The following MAN1A1 variants were observed in gnomAD, a reference collection of about 807,000 sequenced individuals.
The protein encoded by MAN1A1 is mannosidase alpha class 1A member 1.
MAN1A1 carries 29 observed loss-of-function variants against 70.8 expected under a neutral mutation model. The ratio of observed to expected loss-of-function variants is 0.41; its 90% CI spans 0.31 to 0.56. MAN1A1 has a LOEUF of 0.56. MAN1A1 is among the 20% of genes least tolerant of loss of function. MAN1A1 has a pLI of 0.29. For synonymous variants in MAN1A1, 349 were observed against 330.1 expected (o/e 1.06, Z -0.62); for missense variants, 747 against 841.3 (o/e 0.89, Z 1.39).
chr6:119,345,454 G>C (rs1052679726), intron 2 of MAN1A1, among the ~76,000 whole-genome samples: 1 of 152,100 alleles, frequency 6.6e-6, no homozygotes, highest in Non-Finnish European at 1.5e-5. Flanking sequence ...GGTGAAGGGA[G>C]GAAGATCTTA....
In MAN1A1 at chr6:119,177,400, T is replaced by G. The variant is rs1012877070; in HGVS notation, c.*2419A>C. On this transcript the variant is annotated 3_prime_UTR_variant, in exon 13 of 13. Transcript: ENST00000368468. ...GCTCATATGAAAACCTCATGACAAG[T>G]CATTGAGTTCTGTAAACTGCCATAC... is the stretch of plus-strand genomic sequence containing the variant. The G allele has an allele frequency of 6.6e-6, 1 of 152,084 alleles. No homozygotes were observed. Among genetic ancestry groups the G allele is most frequent in the Admixed American group, 6.6e-5 (1 of 15,264 alleles). The allele number at this position is 152,084 out of a possible 1,614,324, so 9.4% of individuals were successfully genotyped here.
intron 2 of MAN1A1, among the ~76,000 whole-genome samples, chr6:119,324,860 T>A (rs1040251832): frequency 1.3e-5 from 2 of 152,238 alleles, no homozygotes; most frequent in African/African-American, 4.8e-5. Context: ...TGGATAAGCC[T>A]GTGTTTGGGG....
Position 119,349,757 on chromosome 6 carries a change from G to T in MAN1A1, c.-438C>A. ...GGTACACTCCGCCGCGGCCCCGCGAGCACTAATCTCACTGCCGGTCTTGGG... is the reference window on the plus strand; with the variant it reads ...GGTACACTCCGCCGCGGCCCCGCGATCACTAATCTCACTGCCGGTCTTGGG... On this transcript the variant is annotated 5_prime_UTR_variant, in exon 1 of 13. Coordinates refer to ENST00000368468, the MANE Select transcript of MAN1A1 (RefSeq NM_005907.4). 1.0e-6 allele frequency: 1 copy of T among 985,502 alleles called. No homozygotes were observed. The highest frequency in any genetic ancestry group is 1.2e-6 in the Non-Finnish European group (1 of 829,942). The allele number at this position is 985,502 out of a possible 1,614,324, so 61.0% of individuals were successfully genotyped here.
intron 5 of MAN1A1, among the ~76,000 whole-genome samples, chr6:119,265,210 CCTACCT>C: frequency 6.6e-6 from 1 of 152,076 alleles, no homozygotes; most frequent in South Asian, 2.1e-4. Context: ...CAGTGATCCT[CCTACCT>C]CAGCCTCTCA....
intron 4 of MAN1A1, among the ~76,000 whole-genome samples, chr6:119,294,435 T>C (rs186800366): frequency 6.6e-6 from 1 of 152,230 alleles, no homozygotes; most frequent in African/African-American, 2.4e-5. Flanking sequence ...TCTTGTGAGA[T>C]TTATCCTAAC....
At chr6:119,205,807 A>G (rs2114951279) in intron 6 of MAN1A1, among the ~76,000 whole-genome samples, 1 of 152,368 alleles carries the variant, frequency 6.6e-6, no homozygotes, top group South Asian at 2.1e-4. Context: ...GTTTAGATGC[A>G]CATTTAGTGC....
intron 6 of MAN1A1, among the ~76,000 whole-genome samples, chr6:119,222,786 T>C (rs1467405665): frequency 6.6e-6 from 1 of 152,224 alleles, no homozygotes; most frequent in Non-Finnish European, 1.5e-5. Flanking sequence ...GCTGAAATCC[T>C]GGGCAGTGTT....
At chr6:119,330,756 C>A (rs1389884152) in intron 2 of MAN1A1, among the ~76,000 whole-genome samples, 1 of 152,150 alleles carries the variant, frequency 6.6e-6, no homozygotes, top group Non-Finnish European at 1.5e-5. Flanking sequence ...ACATTCCATT[C>A]CTATCCTGCG....
At chr6:119,345,070 C>T (rs1394188891) in intron 2 of MAN1A1, among the ~76,000 whole-genome samples, 1 of 151,838 alleles carries the variant, frequency 6.6e-6, no homozygotes, top group African/African-American at 2.4e-5. Flanking sequence ...TAGCCCCAGC[C>T]CCTATTACTC....
At chr6:119,316,936 TTTA>T (rs200298446) in intron 2 of MAN1A1, among the ~76,000 whole-genome samples, 4 of 150,654 alleles carry the variant, frequency 2.7e-5, no homozygotes, top group African/African-American at 7.3e-5. Flanking sequence ...ATTACATTTT[TTTA>T]TTATTATTAT....
chr6:119,255,503 T>C (rs1335949777), intron 5 of MAN1A1, among the ~76,000 whole-genome samples: 2 of 152,232 alleles, frequency 1.3e-5, no homozygotes, highest in Non-Finnish European at 2.9e-5. Flanking sequence ...TAAGCTATTC[T>C]GGCTTTTTAG....
intron 2 of MAN1A1, among the ~76,000 whole-genome samples, chr6:119,314,138 A>C (rs924756245): frequency 6.6e-6 from 1 of 152,150 alleles, no homozygotes; most frequent in Admixed American, 6.5e-5. Context: ...AGGAGCTTCT[A>C]TTCCACTTCT....
At chr6:119,320,296 A>G (rs986983948) in intron 2 of MAN1A1, among the ~76,000 whole-genome samples, 2 of 152,150 alleles carry the variant, frequency 1.3e-5, no homozygotes, top group East Asian at 1.9e-4. Context: ...AGGATGGGTC[A>G]GCCAGTTGTG....
At chr6:119,248,965 A>T (rs1775243504) in intron 5 of MAN1A1, among the ~76,000 whole-genome samples, 1 of 152,242 alleles carries the variant, frequency 6.6e-6, no homozygotes, top group Non-Finnish European at 1.5e-5. Flanking sequence ...GAAGATAATT[A>T]TATGCACATA....
chr6:119,294,915 G>A (rs752768574), intron 4 of MAN1A1, among the ~76,000 whole-genome samples: 1 of 152,078 alleles, frequency 6.6e-6, no homozygotes, highest in Admixed American at 6.6e-5. Flanking sequence ...TTGGGTGTTT[G>A]AGATTGATAA....
chr6:119,180,442 AGG>A lies in MAN1A1; in HGVS notation c.1720-17_1720-16del. On this transcript the variant is annotated splice_polypyrimidine_tract_variant and intron_variant, in intron 11 of 12. Transcript: ENST00000368468. ...TTTTCCAAGGCCTAAATTATAGAGG[AGG>A]AAAAAAAAAAGTCACATTTCAGTAA... 2 of 1,359,088 alleles carry A rather than the reference AGG, an allele frequency of 1.5e-6. No individual in the cohort carries two copies. The highest frequency in any genetic ancestry group is 1.9e-5 in the Admixed American group (1 of 51,502). The allele number at this position is 1,359,088 out of a possible 1,614,324, so 84.2% of individuals were successfully genotyped here.
intron 6 of MAN1A1, among the ~76,000 whole-genome samples, chr6:119,213,190 GT>G (rs3839393): frequency 0.04 from 6,099 of 151,912 alleles, 157 homozygotes; most frequent in East Asian, 0.093. Flanking sequence ...CTTACTTTTG[GT>G]TTTTTTTATG....
intron 7 of MAN1A1, among the ~76,000 whole-genome samples, chr6:119,203,773 G>C (rs1470472367): frequency 6.6e-6 from 1 of 152,110 alleles, no homozygotes; most frequent in African/African-American, 2.4e-5. Flanking sequence ...TTAAGTCCGA[G>C]GCATTTTAAG....
At chr6:119,238,405 AT>A (rs375586925) in intron 6 of MAN1A1, among the ~76,000 whole-genome samples, 5 of 152,368 alleles carry the variant, frequency 3.3e-5, no homozygotes, top group African/African-American at 1.2e-4. Flanking sequence ...AAACATACAA[AT>A]TCATACTACT....
Sources: allele counts gnomAD v4.1 joint callset (sites outside exome capture counted in the v4.1 genomes callset), GRCh38; gene constraint gnomAD v4.1.1; transcripts MANE v1.5; gene names NCBI Gene and HGNC (gene_info 2026-07-23, HGNC 2026-07-21).